Variants in ARHGEF26 observed in about 807,000 individuals in gnomAD.
ARHGEF26 encodes Rho guanine nucleotide exchange factor (GEF) 26.
Under a neutral mutation model 89.4 loss-of-function variants are expected in ARHGEF26, and 59 were observed. The ratio of observed to expected loss-of-function variants is 0.66; its 90% CI spans 0.54 to 0.82. The LOEUF is 0.82. Ranked by LOEUF, ARHGEF26 falls within the 40% of genes least tolerant of loss-of-function variation. ARHGEF26 has a pLI of 0.00. For missense variants in ARHGEF26, 1,234 were observed against 1,085.6 expected (o/e 1.14, Z -1.92); for synonymous variants, 500 against 428.4 (o/e 1.17, Z -2.06).
At chr3:154,241,400 G>T (rs1347747831) in intron 12 of ARHGEF26, among the ~76,000 whole-genome samples, 2 of 152,152 alleles carry the variant, frequency 1.3e-5, no homozygotes, top group African/African-American at 4.8e-5. Flanking sequence ...AAATGGTGTG[G>T]TTAAAATGGA....
intron 12 of ARHGEF26, among the ~76,000 whole-genome samples, chr3:154,251,107 CCA>C (rs1358655160): frequency 7.9e-5 from 12 of 152,176 alleles, no homozygotes; most frequent in South Asian, 2.1e-4. Flanking sequence ...TTTCAAGATA[CCA>C]CAGTTTCCAC....
At chr3:154,210,986 G>T (rs928200366) in intron 9 of ARHGEF26, among the ~76,000 whole-genome samples, 1 of 151,566 alleles carries the variant, frequency 6.6e-6, no homozygotes, top group Non-Finnish European at 1.5e-5. Context: ...GGCCTGGAAC[G>T]GGGGCCTCAC....
chr3:154,244,226 A>C (rs1717654562), intron 12 of ARHGEF26, among the ~76,000 whole-genome samples: 1 of 152,220 alleles, frequency 6.6e-6, no homozygotes, highest in Non-Finnish European at 1.5e-5. Context: ...AACTGTTGTC[A>C]CTAAAGGCCA....
At chr3:154,213,595 G>A (rs1157649725) in intron 9 of ARHGEF26, among the ~76,000 whole-genome samples, 1 of 152,078 alleles carries the variant, frequency 6.6e-6, no homozygotes, top group African/African-American at 2.4e-5. Context: ...TAAGAAATAA[G>A]ATAACCCAAA....
intron 13 of ARHGEF26, among the ~76,000 whole-genome samples, chr3:154,254,376 T>C (rs931332661): frequency 6.6e-6 from 1 of 152,214 alleles, no homozygotes; most frequent in African/African-American, 2.4e-5. Context: ...AGATTTTGCA[T>C]GGCCTTGGCA....
At chr3:154,182,651 C>G (rs1011397440) in intron 6 of ARHGEF26, among the ~76,000 whole-genome samples, 1 of 152,190 alleles carries the variant, frequency 6.6e-6, no homozygotes, top group Non-Finnish European at 1.5e-5. Flanking sequence ...GTTCCAGCTG[C>G]TACTCTTCTT....
At chr3:154,203,682 A>G (rs571328816) in intron 9 of ARHGEF26, among the ~76,000 whole-genome samples, 81 of 152,208 alleles carry the variant, frequency 5.3e-4, no homozygotes, top group Non-Finnish European at 1.0e-3. Context: ...GAGGGTTTTT[A>G]GCACGAAGGG....
intron 9 of ARHGEF26, among the ~76,000 whole-genome samples, chr3:154,213,646 A>G (rs1024765686): frequency 3.9e-5 from 6 of 152,150 alleles, no homozygotes; most frequent in African/African-American, 1.4e-4. Context: ...ATGAAGGGAT[A>G]GCTATTGGCC....
intron 2 of ARHGEF26, among the ~76,000 whole-genome samples, chr3:154,124,081 C>T (rs760086169): frequency 6.6e-5 from 10 of 152,188 alleles, no homozygotes; most frequent in Admixed American, 3.3e-4. Flanking sequence ...TTTTCCAACT[C>T]TGCAAGTATA....
At chr3:154,184,509 C>G (rs1319176951) in intron 6 of ARHGEF26, among the ~76,000 whole-genome samples, 3 of 152,208 alleles carry the variant, frequency 2.0e-5, no homozygotes, top group Non-Finnish European at 4.4e-5. Flanking sequence ...GTTCCTAAAT[C>G]TCTGTCTTCA....
chr3:154,144,028 A>G (rs1367013831), intron 4 of ARHGEF26, among the ~76,000 whole-genome samples: 1 of 152,218 alleles, frequency 6.6e-6, no homozygotes, highest in African/African-American at 2.4e-5. Flanking sequence ...TAGAAATGTC[A>G]GGATTGATCA....
intron 8 of ARHGEF26, among the ~76,000 whole-genome samples, chr3:154,192,557 T>C (rs1189147701): frequency 6.6e-6 from 1 of 152,200 alleles, no homozygotes; most frequent in Non-Finnish European, 1.5e-5. Context: ...TTCCCCCCTG[T>C]GTACATATTG....
At chr3:154,181,212 C>G (rs1713164936) in intron 6 of ARHGEF26, among the ~76,000 whole-genome samples, 1 of 152,128 alleles carries the variant, frequency 6.6e-6, no homozygotes, top group African/African-American at 2.4e-5. Flanking sequence ...ACAGAATGTT[C>G]TGTATTAGGA....
At chr3:154,197,666 A>G (rs1714374251) in intron 9 of ARHGEF26, among the ~76,000 whole-genome samples, 1 of 152,192 alleles carries the variant, frequency 6.6e-6, no homozygotes, top group Admixed American at 6.5e-5. Flanking sequence ...AAAGACTGTG[A>G]CAATTTCTTT....
rs2108261211 is a variant in ARHGEF26 at position 154,225,966 on chromosome 3, C to T, written c.2046C>T (p.Tyr682=). ...GAAGGACATCCAAACAGCAAGTCTA[C>T]TTCTTTCTCTTTAACGATGTGCTCA... The part of the protein sequence containing the change: ...FSRRTSKQQV[Y]FFLFNDVLII... The change falls in exon 11 of 15, where the codon TAC becomes TAT. Residue 682 remains tyrosine (Y), a synonymous_variant. Coordinates refer to ENST00000465093, the MANE Select transcript of ARHGEF26 (RefSeq NM_015595.4). 1 of 1,612,972 alleles carries T rather than the reference C, an allele frequency of 6.2e-7. No individual in the cohort carries two copies. Among genetic ancestry groups the T allele is most frequent in the East Asian group, 2.2e-5 (1 of 44,768 alleles).
At chr3:154,129,209 A>C (rs1422060583) in intron 3 of ARHGEF26, among the ~76,000 whole-genome samples, 2 of 152,162 alleles carry the variant, frequency 1.3e-5, no homozygotes, top group African/African-American at 4.8e-5. Flanking sequence ...ATACACAATA[A>C]ATGTTTATTA....
At chr3:154,125,322 G>A (rs1371132081) in intron 3 of ARHGEF26, among the ~76,000 whole-genome samples, 1 of 152,138 alleles carries the variant, frequency 6.6e-6, no homozygotes, top group African/African-American at 2.4e-5. Context: ...TTTCCCATTG[G>A]AACATTTATA....
chr3:154,190,533 C>G (rs1713890981), intron 7 of ARHGEF26, among the ~76,000 whole-genome samples: 1 of 151,348 alleles, frequency 6.6e-6, no homozygotes, highest in South Asian at 2.1e-4. Context: ...ACAAACAAAC[C>G]TGGGTTTGAC....
intron 11 of ARHGEF26, among the ~76,000 whole-genome samples, chr3:154,239,303 T>A (rs1023818747): frequency 0.015 from 392 of 26,424 alleles, 1 homozygote; most frequent in South Asian, 0.032. Flanking sequence ...AGAGAGAGTG[T>A]GTGTGTGTGT....
Sources: gnomAD v4.1 joint callset for allele counts (sites outside exome capture counted in the v4.1 genomes callset) on GRCh38, gnomAD v4.1.1 for gene constraint, MANE v1.5 for transcripts, NCBI Gene and HGNC (gene_info 2026-07-23, HGNC 2026-07-21) for gene names.